PNPLA1: variants seen among roughly 807,000 people sequenced by gnomAD.
PNPLA1 encodes the protein patatin like domain 1, omega-hydroxyceramide transacylase.
Under a neutral mutation model 51.7 loss-of-function variants are expected in PNPLA1, and 36 were observed. The observed-to-expected ratio is 0.70, with a 90% confidence interval of 0.53 to 0.92. PNPLA1 has a LOEUF of 0.92. Ranked by LOEUF, PNPLA1 falls within the 40% of genes least tolerant of loss-of-function variation. PNPLA1 has a pLI of 0.00. For missense variants in PNPLA1, 658 were observed against 682.5 expected (o/e 0.96, Z 0.40); for synonymous variants, 293 against 280.1 (o/e 1.05, Z -0.46).
chr6:36,266,837 G>A (rs147612846), upstream of PNPLA1, among the ~76,000 whole-genome samples: 2 of 152,296 alleles, frequency 1.3e-5, no homozygotes, highest in Non-Finnish European at 2.9e-5. Flanking sequence ...ATAATCACGG[G>A]TGATGTTGTG....
At position 36,301,850 on chromosome 6, in the gene PNPLA1, G is replaced by T. The variant is rs1286703836; in HGVS notation, c.776-11G>T. Reference sequence around the variant, plus strand: ...GGGCTGAGTAACACCCCATGCTATTGTTTATCCTAGATGCTGTTTATCTTA... The same window carrying T: ...GGGCTGAGTAACACCCCATGCTATTTTTTATCCTAGATGCTGTTTATCTTA... On this transcript the variant is annotated splice_polypyrimidine_tract_variant and intron_variant, in intron 5 of 8. Coordinates refer to ENST00000636260, the MANE Select transcript of PNPLA1 (RefSeq NM_001374623.1). 1 of 1,608,898 alleles carries T rather than the reference G, an allele frequency of 6.2e-7. No homozygotes were observed. The highest frequency in any genetic ancestry group is 8.5e-7 in the Non-Finnish European group (1 of 1,176,588).
chr6:36,295,833 A>G (rs1324376945), intron 5 of PNPLA1, among the ~76,000 whole-genome samples: 2 of 152,222 alleles, frequency 1.3e-5, no homozygotes, highest in Non-Finnish European at 2.9e-5. Flanking sequence ...TCACTAGTTT[A>G]TATTTGTGTA....
chr6:36,304,239 G>A lies in PNPLA1; in HGVS notation c.1384+1770G>A, dbSNP rs545901532. 6.6e-5 allele frequency among the ~76,000 whole-genome samples: 10 copies of A among 152,200 alleles called. No homozygotes were observed. The East Asian group carries it at 1.7e-3, about 26-fold the overall frequency. ...AACTTCCAGAGCTATTATGGTAAAC[G>A]TCACAGATCGGCAATGTCTCCTCAT... On this transcript the variant is annotated intron_variant, in intron 6 of 8. Transcript: ENST00000636260.
chr6:36,259,930 A>C (rs373917717), intron 1 of PNPLA1, among the ~76,000 whole-genome samples: 4 of 152,154 alleles, frequency 2.6e-5, no homozygotes, highest in African/African-American at 9.6e-5. Flanking sequence ...AGCATCACAA[A>C]ATGTACCCAG....
chr6:36,262,424 C>T (rs1162782763), intron 1 of PNPLA1, among the ~76,000 whole-genome samples: 1 of 152,152 alleles, frequency 6.6e-6, no homozygotes, highest in East Asian at 1.9e-4. Flanking sequence ...AACAAAAGGC[C>T]CTCTTCACCT....
At chr6:36,282,212 G>GGGAA (rs147876798) in intron 1 of PNPLA1, among the ~76,000 whole-genome samples, 11,774 of 108,576 alleles carry the variant, frequency 0.11, 1,153 homozygotes, top group African/African-American at 0.23. Flanking sequence ...AAGGAAGGAA[G>GGGAA]GGAAGGAAGG....
chr6:36,264,224 G>A (rs1029596537), intron 1 of PNPLA1, among the ~76,000 whole-genome samples: 3 of 152,198 alleles, frequency 2.0e-5, no homozygotes, highest in African/African-American at 7.2e-5. Flanking sequence ...GCAGGGCCAA[G>A]GAAGGATGTA....
intron 5 of PNPLA1, among the ~76,000 whole-genome samples, chr6:36,296,793 G>A (rs1490737045): frequency 6.6e-6 from 1 of 152,100 alleles, no homozygotes; most frequent in East Asian, 1.9e-4. Flanking sequence ...CAAGCTGTGT[G>A]ACCTCCGGAT....
At chr6:36,310,839 C>A (rs1189140723) in intron 8 of PNPLA1, among the ~76,000 whole-genome samples, 1 of 152,200 alleles carries the variant, frequency 6.6e-6, no homozygotes, top group African/African-American at 2.4e-5. Flanking sequence ...CAGTTTCTCT[C>A]TATAACATTC....
chr6:36,262,185 T>A (rs1234913785), intron 1 of PNPLA1, among the ~76,000 whole-genome samples: 3 of 152,066 alleles, frequency 2.0e-5, no homozygotes, highest in Non-Finnish European at 4.4e-5. Flanking sequence ...CCCAGGCTGA[T>A]CCTCTGGCTC....
At chr6:36,254,253 C>T (rs747140941) in intron 1 of PNPLA1, among the ~76,000 whole-genome samples, 9 of 152,154 alleles carry the variant, frequency 5.9e-5, no homozygotes, top group Non-Finnish European at 1.3e-4. Flanking sequence ...CTAATCCCAT[C>T]CTGGTCTTGG....
chr6:36,254,582 C>G lies in PNPLA1; in HGVS notation c.-81+11321C>G, dbSNP rs373355565. On this transcript the variant is annotated intron_variant, in intron 1 of 7. Transcript: ENST00000312917. Reference sequence around the variant, plus strand: ...GGAGGAAAACCCTGTCTCAAACAAACAAAAAAAAAAACAAAAAACAGAAAA... The same window carrying G: ...GGAGGAAAACCCTGTCTCAAACAAAGAAAAAAAAAAACAAAAAACAGAAAA... Among the ~76,000 whole-genome samples the G allele has an allele frequency of 9.0e-3, 1,267 of 140,672 alleles. 32 individuals carry two copies. The highest frequency in any genetic ancestry group is 0.031 in the African/African-American group (1,186 of 38,328). The allele number at this position is 140,672 out of a possible 152,430, so 92.3% of individuals were successfully genotyped here.
At chr6:36,260,595 T>C in intron 1 of PNPLA1, among the ~76,000 whole-genome samples, 1 of 152,188 alleles carries the variant, frequency 6.6e-6, no homozygotes. Flanking sequence ...TTTCAGTCTC[T>C]TGTGTCTCAT....
chr6:36,292,208 G>A (rs1014593975), intron 2 of PNPLA1, among the ~76,000 whole-genome samples: 5 of 151,952 alleles, frequency 3.3e-5, no homozygotes, highest in African/African-American at 7.3e-5. Flanking sequence ...CAGGGGCTTC[G>A]CCACTCCATC....
chr6:36,286,579 A>AT (rs1770494705), intron 1 of PNPLA1, among the ~76,000 whole-genome samples: 2 of 151,674 alleles, frequency 1.3e-5, no homozygotes, highest in Admixed American at 1.3e-4. Flanking sequence ...AAAAAAAAAA[A>AT]GTTTAAATTA....
intron 6 of PNPLA1, 29 bp downstream of exon 6, chr6:36,302,498 T>C: frequency 6.6e-7 from 1 of 1,514,170 alleles, no homozygotes; most frequent in Non-Finnish European, 8.8e-7. Flanking sequence ...TGTTATGACT[T>C]TCTCATGCCT....
chr6:36,267,863 C>T (rs1455614815), upstream of PNPLA1, among the ~76,000 whole-genome samples: 1 of 152,092 alleles, frequency 6.6e-6, no homozygotes, highest in Non-Finnish European at 1.5e-5. Context: ...CACCCAGCTT[C>T]CCCAGGTCTG....
At chr6:36,279,824 G>A (rs903707595) in intron 1 of PNPLA1, among the ~76,000 whole-genome samples, 13 of 152,210 alleles carry the variant, frequency 8.5e-5, no homozygotes, top group African/African-American at 1.9e-4. Context: ...GGATGAATAC[G>A]TGAAAAGAAA....
intron 5 of PNPLA1, among the ~76,000 whole-genome samples, chr6:36,300,187 G>GAGAGAGAGAGAGAT: frequency 7.1e-6 from 1 of 141,372 alleles, no homozygotes; most frequent in South Asian, 2.2e-4. Context: ...GTGAGAGAGA[G>GAGAGAGAGAGAGAT]AGAGAGAGAG....
Sources: allele counts gnomAD v4.1 joint callset (sites outside exome capture counted in the v4.1 genomes callset), GRCh38; gene constraint gnomAD v4.1.1; transcripts MANE v1.5; gene names NCBI Gene and HGNC (gene_info 2026-07-23, HGNC 2026-07-21).